HS3ST4: variants seen among roughly 807,000 people sequenced by gnomAD.
HS3ST4 encodes heparan sulfate glucosamine 3-O-sulfotransferase 4.
A neutral mutation model predicts 29.2 loss-of-function variants in HS3ST4; 17 were observed. That is an observed-to-expected ratio of 0.58 (90% CI 0.40 to 0.87). The LOEUF is 0.87. HS3ST4 is among the 40% of genes least tolerant of loss of function. HS3ST4 has a pLI of 0.00. For synonymous variants in HS3ST4, 314 were observed against 285.7 expected, an observed-to-expected ratio of 1.10 and a Z score of -1.00; for missense variants, 627 against 634.5, an observed-to-expected ratio of 0.99 and a Z score of 0.13.
intron 1 of HS3ST4, among the ~76,000 whole-genome samples, chr16:26,135,081 T>G (rs1302415836): frequency 1.3e-5 from 2 of 152,176 alleles, no homozygotes; most frequent in Non-Finnish European, 2.9e-5. Flanking sequence ...TAGACGAAAA[T>G]AGGAGGCAGG....
In HS3ST4 at chr16:26,136,445, G is replaced by A. The variant is rs1398050162; in HGVS notation, c.*197G>A. 3 of 597,824 alleles carry A rather than the reference G, an allele frequency of 5.0e-6. No individual in the cohort carries two copies. The Admixed American group carries it at 9.2e-5, about 18-fold the overall frequency. 37.0% of individuals were successfully genotyped at this position (597,824 alleles called of 1,614,324 possible). ...CCATGGCATCCCCATGGAGGAACCAGGCCCATCTGGGCAGCAGCATCTGGT... is the reference window on the plus strand; with the variant it reads ...CCATGGCATCCCCATGGAGGAACCAAGCCCATCTGGGCAGCAGCATCTGGT... On this transcript the variant is annotated 3_prime_UTR_variant, in exon 2 of 2. Transcript: ENST00000331351.
chr16:25,978,893 G>A (rs547598902), intron 1 of HS3ST4, among the ~76,000 whole-genome samples: 78 of 151,802 alleles, frequency 5.1e-4, no homozygotes, highest in African/African-American at 1.8e-3. Context: ...GATGACGTGG[G>A]AGCTACAACT....
intron 1 of HS3ST4, among the ~76,000 whole-genome samples, chr16:25,834,818 G>A (rs111992682): frequency 0.069 from 10,501 of 152,098 alleles, 442 homozygotes; most frequent in East Asian, 0.13. Flanking sequence ...GTGGGGGCAC[G>A]TGCCTGTAAT....
intron 1 of HS3ST4, among the ~76,000 whole-genome samples, chr16:25,757,777 C>T (rs1289513091): frequency 1.3e-5 from 2 of 151,792 alleles, no homozygotes; most frequent in African/African-American, 2.4e-5. Flanking sequence ...GCAAGTATCT[C>T]GTCGGGTGGG....
At chr16:25,943,954 T>A (rs149894098) in intron 1 of HS3ST4, among the ~76,000 whole-genome samples, 2,834 of 152,284 alleles carry the variant, frequency 0.019, 80 homozygotes, top group African/African-American at 0.065. Flanking sequence ...CGCTTTCAGA[T>A]GATTTATAAA....
chr16:26,023,474 A>G (rs766681385), intron 1 of HS3ST4, among the ~76,000 whole-genome samples: 74 of 152,030 alleles, frequency 4.9e-4, no homozygotes, highest in Non-Finnish European at 8.8e-4. Flanking sequence ...ATCATAGCCC[A>G]CTGCAACCTC....
At chr16:26,084,764 T>C (rs1479904148) in intron 1 of HS3ST4, among the ~76,000 whole-genome samples, 2 of 151,298 alleles carry the variant, frequency 1.3e-5, no homozygotes, top group Non-Finnish European at 2.9e-5. Flanking sequence ...ATTTTAGTTG[T>C]TGTTGTTTTT....
At chr16:25,733,900 C>T (rs540393267) in intron 1 of HS3ST4, among the ~76,000 whole-genome samples, 15 of 152,270 alleles carry the variant, frequency 9.9e-5, no homozygotes, top group African/African-American at 3.1e-4. Context: ...AGGCAGATCA[C>T]GAGGTCAGGA....
At chr16:25,706,438 A>T (rs1021290704) in intron 1 of HS3ST4, among the ~76,000 whole-genome samples, 1 of 152,150 alleles carries the variant, frequency 6.6e-6, no homozygotes, top group African/African-American at 2.4e-5. Context: ...TGTGCAGAAC[A>T]TGTGCCATGG....
At chr16:26,098,919 A>G (rs969542078) in intron 1 of HS3ST4, among the ~76,000 whole-genome samples, 2 of 152,062 alleles carry the variant, frequency 1.3e-5, no homozygotes, top group Non-Finnish European at 2.9e-5. Context: ...ACCTGCGGAT[A>G]CGGTTCAGGC....
chr16:25,814,898 T>C (rs1021657310), intron 1 of HS3ST4, among the ~76,000 whole-genome samples: 51 of 152,210 alleles, frequency 3.4e-4, no homozygotes, highest in African/African-American at 1.2e-3. Flanking sequence ...TAGAGACGCA[T>C]CTTCATGCTA....
At chr16:25,795,512 A>G (rs1966881981) in intron 1 of HS3ST4, among the ~76,000 whole-genome samples, 1 of 152,144 alleles carries the variant, frequency 6.6e-6, no homozygotes, top group African/African-American at 2.4e-5. Context: ...TTTATTGAAC[A>G]TTTAAATCAA....
intron 1 of HS3ST4, among the ~76,000 whole-genome samples, chr16:26,121,291 T>A (rs1899273979): frequency 6.6e-6 from 1 of 152,132 alleles, no homozygotes; most frequent in South Asian, 2.1e-4. Context: ...ATAAGTGATT[T>A]TCTGGACATG....
At chr16:25,835,133 T>C (rs1967344667) in intron 1 of HS3ST4, among the ~76,000 whole-genome samples, 1 of 152,228 alleles carries the variant, frequency 6.6e-6, no homozygotes, top group Non-Finnish European at 1.5e-5. Context: ...TCTAAGATTC[T>C]TTATGCCTAT....
At chr16:25,999,072 G>C (rs1969181557) in intron 1 of HS3ST4, among the ~76,000 whole-genome samples, 1 of 151,858 alleles carries the variant, frequency 6.6e-6, no homozygotes, top group South Asian at 2.1e-4. Flanking sequence ...TCTTCTGTCA[G>C]TTCTGATTAT....
chr16:25,713,053 TTTTA>T (rs199701789), intron 1 of HS3ST4, among the ~76,000 whole-genome samples: 13,201 of 151,942 alleles, frequency 0.087, 613 homozygotes, highest in Middle Eastern at 0.12. Context: ...TTTTTTTAAT[TTTTA>T]TTTATTTATT....
chr16:25,848,275 A>G (rs1393119481), intron 1 of HS3ST4, among the ~76,000 whole-genome samples: 4 of 152,034 alleles, frequency 2.6e-5, no homozygotes, highest in African/African-American at 9.7e-5. Flanking sequence ...AGTAGCTGGG[A>G]TTACAGGCGT....
At chr16:25,755,075 T>C (rs565466044) in intron 1 of HS3ST4, among the ~76,000 whole-genome samples, 1 of 151,960 alleles carries the variant, frequency 6.6e-6, no homozygotes, top group South Asian at 2.1e-4. Flanking sequence ...CTACTATCCA[T>C]CCATTCATTT....
intron 1 of HS3ST4, among the ~76,000 whole-genome samples, chr16:25,801,791 T>C (rs532135084): frequency 1.4e-3 from 206 of 152,298 alleles, no homozygotes; most frequent in African/African-American, 4.8e-3. Context: ...TCTTACAATA[T>C]AGGTTACAAA....
Sources: gnomAD v4.1 joint callset for allele counts (sites outside exome capture counted in the v4.1 genomes callset) on GRCh38, gnomAD v4.1.1 for gene constraint, MANE v1.5 for transcripts, NCBI Gene and HGNC (gene_info 2026-07-23, HGNC 2026-07-21) for gene names.